Variants in PEBP1 observed in about 807,000 individuals in gnomAD.
The protein encoded by PEBP1 is phosphatidylethanolamine binding protein 1.
A neutral mutation model predicts 22.7 loss-of-function variants in PEBP1; 17 were observed. That is an observed-to-expected ratio of 0.75 (90% confidence interval 0.51 to 1.12). The LOEUF (loss-of-function observed/expected upper bound fraction) is 1.12. Ranked by LOEUF, PEBP1 falls within the 50% of genes most tolerant of loss-of-function variation. PEBP1 has a pLI of 0.00. For missense variants in PEBP1, 205 were observed against 243.5 expected (o/e 0.84, Z 1.05); for synonymous variants, 106 against 104.3 (o/e 1.02, Z -0.10).
rs371352489 is a variant in PEBP1 at position 118,136,326 on chromosome 12, A to G, written c.117A>G (p.Lys39=). 273 of 1,543,560 alleles carry G rather than the reference A, an allele frequency of 1.8e-4. 1 individual carries two copies. In the African/African-American group the frequency reaches 3.2e-3, roughly 18 times the overall value. Residue 39 remains lysine, a synonymous_variant, in exon 1 of 4, where the codon AAA becomes AAG. Transcript: ENST00000261313. The surrounding 1 kb of genome is among the most constrained non-coding windows in gnomAD (Gnocchi z 5.6). ...YAGAAVDELG[K]VLTPTQVKNR... ...GGGCGGCGGTGGACGAGCTGGGCAAAGTGCTGACGCCCACCCAGGTACACC... is the reference window on the plus strand; with the variant it reads ...GGGCGGCGGTGGACGAGCTGGGCAAGGTGCTGACGCCCACCCAGGTACACC...
rs2034141836 is a variant in PEBP1 at position 118,144,720 on chromosome 12, A to G, written c.481A>G (p.Arg161Gly). 1 of 1,614,000 alleles carries G rather than the reference A, an allele frequency of 6.2e-7. No homozygotes were observed. Among genetic ancestry groups the G allele is most frequent in the Admixed American group, 1.7e-5 (1 of 59,998 alleles). ...VASFRKKYEL[R>G]APVAGTCYQA... is the part of the protein sequence containing the mutation. ...GTCCTTCCGTAAAAAGTATGAGCTC[A>G]GGGCCCCGGTGGCTGGCACGTGTTA... Residue 161 changes from arginine (R) to glycine (G), a missense_variant, in exon 4 of 4, where the codon AGG becomes GGG. Coordinates refer to ENST00000261313, the MANE Select transcript of PEBP1 (RefSeq NM_002567.4).
At position 118,139,481 on chromosome 12, in the gene PEBP1, G is replaced by A; in HGVS notation, c.276G>A (p.Met92Ile). The change falls in exon 3 of 4, where the codon ATG becomes ATA. Residue 92 changes from methionine to isoleucine, a missense_variant. Transcript: ENST00000261313. ...REWHHFLVVNMKGNDISSGTV... is the reference protein window; with the variant it reads ...REWHHFLVVNIKGNDISSGTV... ...GGCATCATTTCCTGGTGGTCAACAT[G>A]AAGGGCAATGACATCAGCAGTGGCA... The A allele has an allele frequency of 6.2e-7, 1 of 1,613,058 alleles. No individual in the cohort carries two copies. Among genetic ancestry groups the A allele is most frequent in the East Asian group, 2.2e-5 (1 of 44,858 alleles).
At chr12:118,142,173 T>G (rs1392412696) in intron 3 of PEBP1, among the ~76,000 whole-genome samples, 1 of 149,230 alleles carries the variant, frequency 6.7e-6, no homozygotes, top group East Asian at 2.0e-4. Flanking sequence ...TGCCATGCAT[T>G]CTTTTTTTTT....
At chr12:118,137,917 C>T (rs1225710972) in intron 1 of PEBP1, 122 bp from the exon 2 acceptor site, 3 of 673,160 alleles carry the variant, frequency 4.5e-6, no homozygotes, top group Non-Finnish European at 8.1e-6. Context: ...AAACCCCTGA[C>T]CTCAAGTGAT....
At chr12:118,144,323 A>G (rs929069361) in intron 3 of PEBP1, among the ~76,000 whole-genome samples, 8 of 152,228 alleles carry the variant, frequency 5.3e-5, no homozygotes, top group African/African-American at 1.9e-4. Context: ...GCTGGAACTA[A>G]GGGCTTGGGC....
At chr12:118,141,336 C>T (rs968538311) in intron 3 of PEBP1, among the ~76,000 whole-genome samples, 5 of 152,132 alleles carry the variant, frequency 3.3e-5, no homozygotes, top group East Asian at 1.9e-4. Context: ...AGGCTGGTCT[C>T]GAACTTCTGA....
chr12:118,136,172 C>T lies in PEBP1; in HGVS notation c.-38C>T, dbSNP rs1467292727. 4 of 1,538,824 alleles carry T rather than the reference C, an allele frequency of 2.6e-6. No homozygotes were observed. The highest frequency in any genetic ancestry group is 2.0e-5 in the Admixed American group (1 of 50,882). On this transcript the variant is annotated 5_prime_UTR_variant, in exon 1 of 4. Coordinates refer to ENST00000261313, the MANE Select transcript of PEBP1 (RefSeq NM_002567.4). This position sits in a 1 kb window ranked among gnomAD's most constrained non-coding sequence, Gnocchi z 5.6. ...CCTCTGTCGCCCGCGCCTGGCCTACCGCGGCACTCCCGGCTGCACGCTCTG... is the reference window on the plus strand; with the variant it reads ...CCTCTGTCGCCCGCGCCTGGCCTACTGCGGCACTCCCGGCTGCACGCTCTG...
intron 3 of PEBP1, among the ~76,000 whole-genome samples, chr12:118,139,979 G>A (rs1265387306): frequency 6.6e-6 from 1 of 152,106 alleles, no homozygotes; most frequent in African/African-American, 2.4e-5. Context: ...GTTGCTTTCT[G>A]TATTTGTTTC....
chr12:118,138,010 T>G (rs1483260331), intron 1 of PEBP1, 29 bp from the exon 2 acceptor site: 1 of 1,532,222 alleles, frequency 6.5e-7, no homozygotes, highest in Non-Finnish European at 9.0e-7. Flanking sequence ...TTTCTGACTT[T>G]TTTACTGCAA....
chr12:118,136,405 G>T lies in PEBP1; in HGVS notation c.135+61G>T. ...GCGCGGAGGCCTGTGCCGGCCTCCT[G>T]GGTGGGACCCAGCGGAGACAGGGCC... On this transcript the variant is annotated intron_variant, in intron 1 of 3. Transcript: ENST00000261313. The surrounding 1 kb of genome is among the most constrained non-coding windows in gnomAD (Gnocchi z 5.6). 1 of 1,491,652 alleles carries T rather than the reference G, an allele frequency of 6.7e-7. No homozygotes were observed. 92.4% of individuals were successfully genotyped at this position (1,491,652 alleles called of 1,614,324 possible).
At chr12:118,139,004 C>G (rs181128029) in intron 2 of PEBP1, 2 of 169,180 alleles carry the variant, frequency 1.2e-5, no homozygotes, top group African/African-American at 4.8e-5. Flanking sequence ...ACATGAGGTT[C>G]GTGCTGGCCT....
At chr12:118,139,261 G>A (rs1401848996) in intron 2 of PEBP1, among the ~76,000 whole-genome samples, 190 bp from the exon 3 acceptor site, 3 of 150,934 alleles carry the variant, frequency 2.0e-5, no homozygotes, top group African/African-American at 4.9e-5. Context: ...GCAGTGAGCC[G>A]AGATCGTGCC....
At chr12:118,141,199 C>G (rs926501413) in intron 3 of PEBP1, among the ~76,000 whole-genome samples, 1 of 152,076 alleles carries the variant, frequency 6.6e-6, no homozygotes, top group Admixed American at 6.6e-5. Flanking sequence ...TCACTACAAC[C>G]TCTACCTCCT....
chr12:118,138,996 A>G (rs2034090981), intron 2 of PEBP1: 1 of 165,964 alleles, frequency 6.0e-6, no homozygotes, highest in South Asian at 1.4e-4. Context: ...CTGCAAACAC[A>G]TGAGGTTCGT....
intron 3 of PEBP1, among the ~76,000 whole-genome samples, chr12:118,142,164 G>A (rs1480654377): frequency 1.3e-5 from 2 of 149,910 alleles, no homozygotes; most frequent in Non-Finnish European, 3.0e-5. Flanking sequence ...TGGAGTGGCT[G>A]CCATGCATTC....
At position 118,144,838 on chromosome 12, in the gene PEBP1, C is replaced by CCCCAA. The variant is rs1463897690; in HGVS notation, c.*36_*40dup. 1.9e-6 allele frequency: 3 copies of CCCCAA among 1,612,826 alleles called. No individual in the cohort carries two copies. Among genetic ancestry groups the CCCCAA allele is most frequent in the Non-Finnish European group, 2.5e-6 (3 of 1,179,950 alleles). On this transcript the variant is annotated 3_prime_UTR_variant, in exon 4 of 4. Coordinates refer to ENST00000261313, the MANE Select transcript of PEBP1 (RefSeq NM_002567.4). The stretch of plus-strand genomic sequence containing the variant: ...TTGGGGACCTGAACTGTCCTGGAGG[C>CCCCAA]CCCAAGCCATGTTCCCCAGTTCAGT...
At position 118,145,033 on chromosome 12, in the gene PEBP1, T is replaced by A; in HGVS notation, c.*230T>A. 6.8e-7 allele frequency: 1 copy of A among 1,478,560 alleles called. No individual in the cohort carries two copies. The highest frequency in any genetic ancestry group is 1.4e-5 in the African/African-American group (1 of 72,000). The allele number at this position is 1,478,560 out of a possible 1,614,324, so 91.6% of individuals were successfully genotyped here. A position where few individuals can be genotyped will look rare whatever the true frequency, so the allele number is the denominator to read the frequency against. On this transcript the variant is annotated 3_prime_UTR_variant, in exon 4 of 4. Coordinates refer to ENST00000261313, the MANE Select transcript of PEBP1 (RefSeq NM_002567.4). The stretch of plus-strand genomic sequence containing the variant: ...ATTTGAACTTCATTTTGGGGGGTAT[T>A]TTGGTACTGTGATGGGGTCATCAAA...
intron 2 of PEBP1, 83 bp from the exon 3 acceptor site, chr12:118,139,368 T>C (rs927567418): frequency 4.6e-6 from 4 of 866,524 alleles, no homozygotes; most frequent in African/African-American, 1.7e-5. Flanking sequence ...GCAGCCAGCA[T>C]GTTCTTGATG....
intron 3 of PEBP1, 91 bp from the exon 4 acceptor site, chr12:118,144,494 GC>G: frequency 8.3e-7 from 1 of 1,201,598 alleles, no homozygotes; most frequent in South Asian, 1.3e-5. Context: ...TGGTCTGGGT[GC>G]CTCCATGTTG....
Sources: allele counts gnomAD v4.1 joint callset (sites outside exome capture counted in the v4.1 genomes callset), GRCh38; gene constraint gnomAD v4.1.1; non-coding constraint Gnocchi (gnomAD v3.1); transcripts MANE v1.5; gene names NCBI Gene and HGNC (gene_info 2026-07-23, HGNC 2026-07-21).